Variants in PRR16 observed in about 807,000 individuals in gnomAD.
PRR16 encodes protein Largen.
Under a neutral mutation model 18.2 loss-of-function variants are expected in PRR16, and 6 were observed. That is an observed-to-expected ratio of 0.33 (90% CI 0.18 to 0.65). PRR16 has a LOEUF of 0.65. Ranked by LOEUF, PRR16 falls within the 30% of genes least tolerant of loss-of-function variation. PRR16 has a pLI of 0.74. For synonymous variants in PRR16, 151 were observed against 147.8 expected, an observed-to-expected ratio of 1.02 and a Z score of -0.16; for missense variants, 412 against 376.6, an observed-to-expected ratio of 1.09 and a Z score of -0.78.
chr5:120,570,514 A>G (rs1353621715), intron 1 of PRR16, among the ~76,000 whole-genome samples: 1 of 152,186 alleles, frequency 6.6e-6, no homozygotes, highest in Non-Finnish European at 1.5e-5. Context: ...AGTAATAGAT[A>G]AAACATTACA....
intron 1 of PRR16, among the ~76,000 whole-genome samples, chr5:120,533,894 G>A (rs143004907): frequency 6.6e-6 from 1 of 152,296 alleles, no homozygotes; most frequent in East Asian, 1.9e-4. Context: ...TGCAGGTAGT[G>A]AGAAGTGGCT....
At chr5:120,747,284 C>T in the PRR16 span, among the ~76,000 whole-genome samples, 3 of 152,286 alleles carry the variant, frequency 2.0e-5, no homozygotes, top group Non-Finnish European at 4.4e-5. Context: ...ACCTACTAGC[C>T]AATTTACCTA....
chr5:120,564,623 A>AC (rs1485529534), intron 1 of PRR16, among the ~76,000 whole-genome samples: 3 of 151,720 alleles, frequency 2.0e-5, no homozygotes, highest in African/African-American at 4.9e-5. Context: ...CACAGCCACT[A>AC]TTGGGGGGTG....
the PRR16 span, among the ~76,000 whole-genome samples, chr5:120,776,147 C>T: frequency 6.6e-6 from 1 of 152,054 alleles, no homozygotes; most frequent in African/African-American, 2.4e-5. Context: ...GATTTCTCGT[C>T]ATCATTGGAT....
chr5:120,550,278 T>G lies in PRR16; in HGVS notation c.159+85633T>G, dbSNP rs1199344273. Among the ~76,000 whole-genome samples, 3 of 152,046 alleles carry G rather than the reference T, an allele frequency of 2.0e-5. No individual in the cohort carries two copies. In the East Asian group the frequency reaches 5.8e-4, roughly 29 times the overall value. On this transcript the variant is annotated intron_variant, in intron 1 of 1. Transcript: ENST00000407149. ...AATGGATGTGCATGTTGGGTTTGAA[T>G]AGCTTGTCTTAGTTTTTCAAAAAAA...
intron 1 of PRR16, among the ~76,000 whole-genome samples, chr5:120,674,813 T>G (rs1756739833): frequency 6.6e-6 from 1 of 151,896 alleles, no homozygotes; most frequent in Admixed American, 6.5e-5. Context: ...TTTTTTCTTG[T>G]ATTTTTAAAA....
At chr5:120,482,838 A>C (rs1401221149) in intron 1 of PRR16, among the ~76,000 whole-genome samples, 1 of 152,200 alleles carries the variant, frequency 6.6e-6, no homozygotes, top group Non-Finnish European at 1.5e-5. Context: ...ATATGTAATG[A>C]CGATCTGCGA....
chr5:120,535,822 G>T (rs1751700086), intron 1 of PRR16, among the ~76,000 whole-genome samples: 1 of 149,672 alleles, frequency 6.7e-6, no homozygotes, highest in African/African-American at 2.5e-5. Context: ...AAAAAACTTG[G>T]CCAGGCACGA....
the PRR16 span, chr5:120,781,285 A>G: frequency 6.6e-6 from 1 of 152,114 alleles, no homozygotes; most frequent in Non-Finnish European, 1.5e-5. Context: ...AAAACATACA[A>G]ATTTTTAAAA....
In PRR16 at chr5:120,505,086, G is replaced by T. The variant is rs182638574; in HGVS notation, c.159+40441G>T. Among the ~76,000 whole-genome samples, 414 of 152,172 alleles carry T rather than the reference G, an allele frequency of 2.7e-3. 4 individuals carry two copies. Among genetic ancestry groups the T allele is most frequent in the South Asian group, 7.5e-3 (36 of 4,816 alleles). On this transcript the variant is annotated intron_variant, in intron 1 of 1. Coordinates refer to ENST00000407149, the MANE Select transcript of PRR16 (RefSeq NM_001300783.2). ...ATCATTTCAAAATAATACTAAAAAAGAATTTCATGTGATTAATTTAATCCT... is the reference window on the plus strand; with the variant it reads ...ATCATTTCAAAATAATACTAAAAAATAATTTCATGTGATTAATTTAATCCT...
chr5:120,616,340 C>A (rs949664518), intron 1 of PRR16, among the ~76,000 whole-genome samples: 7 of 152,176 alleles, frequency 4.6e-5, no homozygotes, highest in African/African-American at 1.7e-4. Flanking sequence ...GAATTGAGTG[C>A]AGCCTCACAG....
the PRR16 span, among the ~76,000 whole-genome samples, chr5:120,707,887 T>C: frequency 6.6e-6 from 1 of 152,174 alleles, no homozygotes; most frequent in East Asian, 1.9e-4. Context: ...GCTTGTCAGC[T>C]GGGAAAACAT....
chr5:120,775,796 A>ATTTTTTTTTTTTTTTTTT, the PRR16 span, among the ~76,000 whole-genome samples: 9 of 80,618 alleles, frequency 1.1e-4, no homozygotes, highest in Admixed American at 1.6e-4. Context: ...ACGCCTGGCT[A>ATTTTTTTTTTTTTTTTTT]TTTTTTTTTT....
chr5:120,624,387 G>C (rs1466107), intron 1 of PRR16, among the ~76,000 whole-genome samples: 54,234 of 151,948 alleles, frequency 0.36, 10,453 homozygotes, highest in East Asian at 0.78. Context: ...TATTGGTATG[G>C]TATGTATGTA....
chr5:120,498,321 A>G (rs1188232389), intron 1 of PRR16, among the ~76,000 whole-genome samples: 2 of 148,978 alleles, frequency 1.3e-5, no homozygotes, highest in African/African-American at 4.9e-5. Flanking sequence ...TTATATATAT[A>G]CACATACATA....
At chr5:120,694,234 T>G in the PRR16 span, among the ~76,000 whole-genome samples, 2 of 152,236 alleles carry the variant, frequency 1.3e-5, no homozygotes, top group Admixed American at 6.5e-5. Flanking sequence ...GATATTGTTT[T>G]CATCTTATTT....
At chr5:120,708,633 A>G in the PRR16 span, among the ~76,000 whole-genome samples, 193 of 152,332 alleles carry the variant, frequency 1.3e-3, 1 homozygote, top group Non-Finnish European at 2.1e-3. Context: ...TAAGTGTACA[A>G]AGCGATTATC....
the PRR16 span, among the ~76,000 whole-genome samples, chr5:120,698,050 T>C: frequency 6.6e-6 from 1 of 152,080 alleles, no homozygotes; most frequent in South Asian, 2.1e-4. Flanking sequence ...TGCCTTCTTA[T>C]ATTAATAAGA....
intron 1 of PRR16, among the ~76,000 whole-genome samples, chr5:120,504,607 T>C (rs891373307): frequency 1.3e-5 from 2 of 152,092 alleles, no homozygotes; most frequent in African/African-American, 4.8e-5. Flanking sequence ...TGATCATTGA[T>C]GTAAGAAGGT....
Sources: gnomAD v4.1 joint callset for allele counts (sites outside exome capture counted in the v4.1 genomes callset) on GRCh38, gnomAD v4.1.1 for gene constraint, MANE v1.5 for transcripts, NCBI Gene and HGNC (gene_info 2026-07-23, HGNC 2026-07-21) for gene names.